Variants in CHRNA5 observed in about 807,000 individuals in gnomAD.
The protein encoded by CHRNA5 is cholinergic receptor nicotinic alpha 5 subunit.
Under a neutral mutation model 41.2 loss-of-function variants are expected in CHRNA5, and 28 were observed. The ratio of observed to expected loss-of-function variants is 0.68; its 90% confidence interval spans 0.50 to 0.93. CHRNA5 has a LOEUF of 0.93. Ranked by LOEUF, CHRNA5 falls within the 40% of genes least tolerant of loss-of-function variation. The pLI is 0.00. For missense variants in CHRNA5, 481 were observed against 581.9 expected (o/e 0.83, Z 1.78); for synonymous variants, 188 against 205.8 (o/e 0.91, Z 0.74).
chr15:78,565,542 A>G (rs973502683), exon 1 of CHRNA5: 2 of 211,652 alleles, frequency 9.4e-6, no homozygotes, highest in Non-Finnish European at 1.8e-5. Flanking sequence ...AGCCCGCCAG[A>G]AGCTGCTAGG....
chr15:78,575,994 CTT>C (rs1189721644), intron 1 of CHRNA5, among the ~76,000 whole-genome samples: 1 of 152,078 alleles, frequency 6.6e-6, no homozygotes, highest in Non-Finnish European at 1.5e-5. Flanking sequence ...ATTATTGAAT[CTT>C]TTTATTATTC....
intron 5 of CHRNA5, 43 bp from the exon 6 acceptor site, chr15:78,593,049 C>T: frequency 6.3e-7 from 1 of 1,586,296 alleles, no homozygotes; most frequent in Non-Finnish European, 8.5e-7. Flanking sequence ...AATATGTACA[C>T]AATTTACAAT....
At chr15:78,575,919 C>T (rs1009942106) in intron 1 of CHRNA5, among the ~76,000 whole-genome samples, 1 of 152,160 alleles carries the variant, frequency 6.6e-6, no homozygotes, top group Admixed American at 6.5e-5. Context: ...TTTTCATATG[C>T]TTACTGGCCT....
chr15:78,582,460 G>T (rs2052921400), intron 2 of CHRNA5, among the ~76,000 whole-genome samples: 1 of 150,710 alleles, frequency 6.6e-6, no homozygotes, highest in African/African-American at 2.4e-5. Flanking sequence ...ACTCCAGCCT[G>T]GGCAACAGAG....
At chr15:78,577,006 G>A (rs752369218) in intron 1 of CHRNA5, among the ~76,000 whole-genome samples, 2 of 152,018 alleles carry the variant, frequency 1.3e-5, no homozygotes, top group Admixed American at 1.3e-4. Flanking sequence ...AGTAAATGTC[G>A]ATGTTGTCTG....
chr15:78,566,013 G>A (rs1211645682), intron 1 of CHRNA5, among the ~76,000 whole-genome samples, 188 bp downstream of exon 1: 2 of 152,194 alleles, frequency 1.3e-5, no homozygotes, highest in African/African-American at 4.8e-5. Flanking sequence ...TGCAGAGAAA[G>A]GGCTACTTGG....
chr15:78,586,507 C>G lies in CHRNA5; in HGVS notation c.259-138C>G, dbSNP rs377489639. The G allele has an allele frequency of 1.1e-4, 61 of 558,426 alleles. No homozygotes were observed. The African/African-American group carries it at 1.2e-3, about 11-fold the overall frequency. 34.6% of individuals were successfully genotyped at this position (558,426 alleles called of 1,614,324 possible). A position where few individuals can be genotyped will look rare whatever the true frequency, so the allele number is the denominator to read the frequency against. ...AGGCTGGAAGAAAGATCCTAGCTTT[C>G]TAGAGAACCAGATTGATGAATGAAA... is the stretch of plus-strand genomic sequence containing the variant. On this transcript the variant is annotated intron_variant, in intron 2 of 5. Transcript: ENST00000299565.
chr15:78,566,559 C>G lies in CHRNA5; in HGVS notation c.106+734C>G, dbSNP rs549907976. 3.3e-5 allele frequency among the ~76,000 whole-genome samples: 5 copies of G among 152,282 alleles called. No homozygotes were observed. In the East Asian group the frequency reaches 7.7e-4, roughly 24 times the overall value. ...GAAGAAAAACACGTTTGTGGAGCAG[C>G]TATGGTGTGATCTAAACGTAGAAAA... On this transcript the variant is annotated intron_variant, in intron 1 of 5. Coordinates refer to ENST00000299565, the Ensembl canonical transcript of CHRNA5.
At chr15:78,576,056 C>T (rs2456020) in intron 1 of CHRNA5, among the ~76,000 whole-genome samples, 49,859 of 152,062 alleles carry the variant, frequency 0.33, 9,233 homozygotes, top group East Asian at 0.54. Flanking sequence ...CTATCAGATA[C>T]ATGATTTGCA....
intron 1 of CHRNA5, among the ~76,000 whole-genome samples, chr15:78,573,559 C>CTA (rs1393593158): frequency 6.6e-6 from 1 of 152,142 alleles, no homozygotes; most frequent in African/African-American, 2.4e-5. Flanking sequence ...ACGTTAGGCT[C>CTA]TAGTGTGGCC....
At chr15:78,571,608 A>G (rs367796202) in intron 1 of CHRNA5, among the ~76,000 whole-genome samples, 1 of 142,610 alleles carries the variant, frequency 7.0e-6, no homozygotes, top group Non-Finnish European at 1.5e-5. Context: ...GAAGTGTACA[A>G]GTTGTCTCGT....
At chr15:78,580,562 A>G (rs1303888901) in intron 1 of CHRNA5, among the ~76,000 whole-genome samples, 1 of 152,116 alleles carries the variant, frequency 6.6e-6, no homozygotes, top group Non-Finnish European at 1.5e-5. Context: ...AAATACTTAC[A>G]TTAATATTTC....
exon 5 of CHRNA5, chr15:78,589,957 G>A: frequency 6.2e-7 from 1 of 1,614,112 alleles, no homozygotes; most frequent in Admixed American, 1.7e-5. Context: ...ATGAAATTTG[G>A]TTCTTGGACT....
intron 1 of CHRNA5, among the ~76,000 whole-genome samples, chr15:78,569,619 GA>G (rs528514183): frequency 2.0e-5 from 3 of 151,346 alleles, no homozygotes; most frequent in Non-Finnish European, 4.4e-5. Flanking sequence ...ATTTTTAGTA[GA>G]GACGGGGTTT....
chr15:78,589,895 T>C, exon 5 of CHRNA5: 3 of 1,614,196 alleles, frequency 1.9e-6, no homozygotes, highest in Non-Finnish European at 1.7e-6. Context: ...ACTACAAAAG[T>C]TCCTGTACCA....
intron 1 of CHRNA5, among the ~76,000 whole-genome samples, chr15:78,573,636 CTG>C (rs2052827080): frequency 6.6e-6 from 1 of 152,142 alleles, no homozygotes; most frequent in Non-Finnish European, 1.5e-5. Context: ...TAGTTAATGT[CTG>C]TTTTTATCTG....
intron 1 of CHRNA5, among the ~76,000 whole-genome samples, chr15:78,576,381 A>G (rs962271187): frequency 4.6e-5 from 7 of 152,184 alleles, no homozygotes; most frequent in African/African-American, 1.4e-4. Context: ...CCTGGCCTCA[A>G]GTGATCCATT....
At chr15:78,582,215 G>A (rs1156510357) in intron 2 of CHRNA5, among the ~76,000 whole-genome samples, 1 of 152,164 alleles carries the variant, frequency 6.6e-6, no homozygotes, top group African/African-American at 2.4e-5. Context: ...GCCAGGTGTG[G>A]TGGTTCATGC....
exon 5 of CHRNA5, chr15:78,589,826 G>T (rs1043917444): frequency 1.9e-6 from 3 of 1,596,092 alleles, no homozygotes; most frequent in Non-Finnish European, 2.6e-6. Flanking sequence ...GTTTTGAAGG[G>T]ACCAGTACGA....
Sources: allele counts gnomAD v4.1 joint callset (sites outside exome capture counted in the v4.1 genomes callset), GRCh38; gene constraint gnomAD v4.1.1; transcripts MANE v1.5; gene names NCBI Gene and HGNC (gene_info 2026-07-23, HGNC 2026-07-21).